Variants in ARSB observed in about 807,000 individuals in gnomAD.
ARSB encodes N-acetylgalactosamine-4-sulfatase.
Under a neutral mutation model 50.9 loss-of-function variants are expected in ARSB, and 41 were observed. That is an observed-to-expected ratio of 0.81 (90% CI 0.63 to 1.04). The LOEUF (loss-of-function observed/expected upper bound fraction) is 1.04. Ranked by LOEUF, ARSB falls within the 50% of genes least tolerant of loss-of-function variation. ARSB has a pLI of 0.00. For missense variants in ARSB, 672 were observed against 693.3 expected (o/e 0.97, Z 0.35); for synonymous variants, 269 against 284.8 (o/e 0.94, Z 0.56).
chr5:78,870,077 AT>A (rs1445591492), intron 5 of ARSB, among the ~76,000 whole-genome samples: 2 of 130,348 alleles, frequency 1.5e-5, no homozygotes, highest in Non-Finnish European at 3.3e-5. Flanking sequence ...AAATGGATAC[AT>A]TCCTCGACAC....
chr5:78,985,010 A>G lies in ARSB; in HGVS notation c.239T>C (p.Val80Ala). The change falls in exon 1 of 8, where the codon GTG becomes GCG. Residue 80 changes from valine to alanine, a missense_variant. Physicochemically the swap from Val to Ala is moderately conservative, Grantham distance 64 (BLOSUM62 0). Transcript: ENST00000264914. ...CTGCGTGTAGTAGTTGTCCAGGAGC[A>G]CCCCGCCGGCCGCCAGCGCGTCCAG... ...PHLDALAAGGVLLDNYYTQPL... is the reference protein window; with the variant it reads ...PHLDALAAGGALLDNYYTQPL... 6.5e-7 allele frequency: 1 copy of G among 1,533,202 alleles called. No homozygotes were observed. The highest frequency in any genetic ancestry group is 8.7e-7 in the Non-Finnish European group (1 of 1,143,888). The allele number at this position is 1,533,202 out of a possible 1,614,324, so 95.0% of individuals were successfully genotyped here.
intron 5 of ARSB, among the ~76,000 whole-genome samples, chr5:78,841,159 C>CTAATAATAATAA (rs1491359597): frequency 6.2e-4 from 58 of 94,206 alleles, no homozygotes; most frequent in African/African-American, 2.0e-3. Context: ...ACTACTACTA[C>CTAATAATAATAA]TACTACTACT....
intron 4 of ARSB, among the ~76,000 whole-genome samples, chr5:78,942,384 ATTG>A (rs1750980224): frequency 6.6e-6 from 1 of 151,190 alleles, no homozygotes; most frequent in African/African-American, 2.4e-5. Context: ...TAGGGTGTCA[ATTG>A]TAGACCTTTC....
chr5:78,859,787 C>A (rs904048828), intron 5 of ARSB, among the ~76,000 whole-genome samples: 2 of 152,000 alleles, frequency 1.3e-5, no homozygotes, highest in Admixed American at 1.3e-4. Context: ...CCTCTCACCC[C>A]GAATGCTGGC....
chr5:78,801,119 ATTTT>A (rs1039157247), intron 6 of ARSB, among the ~76,000 whole-genome samples: 1 of 151,644 alleles, frequency 6.6e-6, no homozygotes, highest in Non-Finnish European at 1.5e-5. Flanking sequence ...AGCAAGTAAA[ATTTT>A]TTTTTAGCAG....
intron 5 of ARSB, among the ~76,000 whole-genome samples, chr5:78,847,851 T>G (rs977810498): frequency 6.6e-6 from 1 of 152,124 alleles, no homozygotes; most frequent in African/African-American, 2.4e-5. Flanking sequence ...TGTTGGCATA[T>G]AGTTGTTCAT....
intron 4 of ARSB, among the ~76,000 whole-genome samples, chr5:78,945,409 C>T (rs533343322): frequency 1.3e-5 from 2 of 152,298 alleles, no homozygotes; most frequent in South Asian, 4.1e-4. Context: ...CCTATTCGGC[C>T]ATCTTGGCTC....
At chr5:78,974,078 C>T (rs1042861042) in intron 1 of ARSB, among the ~76,000 whole-genome samples, 2 of 152,326 alleles carry the variant, frequency 1.3e-5, no homozygotes, top group East Asian at 1.9e-4. Context: ...GTTTTAATCA[C>T]GGTCAAGTAA....
intron 5 of ARSB, among the ~76,000 whole-genome samples, chr5:78,859,639 T>C (rs2112092050): frequency 6.6e-6 from 1 of 152,204 alleles, no homozygotes; most frequent in East Asian, 1.9e-4. Flanking sequence ...AATCAAAACA[T>C]GATCCCAAAG....
upstream of ARSB, chr5:78,985,416 G>C (rs1295811630): frequency 1.1e-5 from 6 of 568,430 alleles, no homozygotes; most frequent in East Asian, 1.8e-4. Context: ...CCTCCGACCC[G>C]GGCCCCCGGC....
intron 3 of ARSB, among the ~76,000 whole-genome samples, chr5:78,958,067 A>T (rs1040109207): frequency 6.6e-6 from 1 of 152,164 alleles, no homozygotes; most frequent in South Asian, 2.1e-4. Flanking sequence ...TCCATCTGGT[A>T]ACAAAAGGCT....
chr5:78,945,661 C>A (rs1182001698), intron 4 of ARSB, among the ~76,000 whole-genome samples: 2 of 152,120 alleles, frequency 1.3e-5, no homozygotes, highest in Non-Finnish European at 2.9e-5. Context: ...GTGCACAGGC[C>A]CCTTCTGAGT....
intron 5 of ARSB, among the ~76,000 whole-genome samples, chr5:78,845,406 G>GT (rs1225607610): frequency 6.6e-6 from 1 of 152,124 alleles, no homozygotes; most frequent in Admixed American, 6.6e-5. Context: ...TAGCGGGATT[G>GT]CTGGATCATA....
intron 5 of ARSB, among the ~76,000 whole-genome samples, chr5:78,868,977 G>C (rs1746967093): frequency 6.6e-6 from 1 of 151,572 alleles, no homozygotes; most frequent in Non-Finnish European, 1.5e-5. Context: ...GATCTACCAA[G>C]CAAATGGAAA....
At chr5:78,834,537 C>A (rs1464900978) in intron 6 of ARSB, among the ~76,000 whole-genome samples, 1 of 145,876 alleles carries the variant, frequency 6.9e-6, no homozygotes, top group African/African-American at 2.5e-5. Flanking sequence ...TAAGGTTCAT[C>A]CATGTTGTAG....
chr5:78,847,372 C>T (rs1278360659), intron 5 of ARSB, among the ~76,000 whole-genome samples: 1 of 152,152 alleles, frequency 6.6e-6, no homozygotes, highest in Non-Finnish European at 1.5e-5. Context: ...AGTGATCCTC[C>T]TGCCTTGGCC....
intron 5 of ARSB, among the ~76,000 whole-genome samples, chr5:78,880,086 G>C (rs1348332830): frequency 6.6e-6 from 1 of 152,126 alleles, no homozygotes. Context: ...GTACGGTACT[G>C]AAGAACGTGC....
At chr5:78,879,199 G>T (rs1209054728) in intron 5 of ARSB, among the ~76,000 whole-genome samples, 1 of 152,200 alleles carries the variant, frequency 6.6e-6, no homozygotes, top group East Asian at 1.9e-4. Context: ...TAATTAAAAA[G>T]AAACTTGCAA....
chr5:78,802,162 A>G (rs1478362849), intron 6 of ARSB, among the ~76,000 whole-genome samples: 2 of 152,110 alleles, frequency 1.3e-5, no homozygotes, highest in East Asian at 1.9e-4. Context: ...TCCTTGCCTG[A>G]TAACTCCTTT....
Sources: allele counts gnomAD v4.1 joint callset (sites outside exome capture counted in the v4.1 genomes callset), GRCh38; gene constraint gnomAD v4.1.1; transcripts MANE v1.5; gene names NCBI Gene and HGNC (gene_info 2026-07-23, HGNC 2026-07-21).